Variants in GRM8 observed in about 807,000 individuals in gnomAD.
GRM8 encodes metabotropic glutamate receptor 8.
In GRM8, 47 loss-of-function variants were observed where a neutral mutation model predicts 87.2. The ratio of observed to expected loss-of-function variants is 0.54; its 90% CI spans 0.43 to 0.69. The LOEUF is 0.69. GRM8 is among the 30% of genes least tolerant of loss of function. The pLI, the probability that GRM8 is intolerant of heterozygous loss-of-function variation, is 0.00. For missense variants in GRM8, 1,019 were observed against 1,139.2 expected, an observed-to-expected ratio of 0.89 and a Z score of 1.52; for synonymous variants, 396 against 404.5, an observed-to-expected ratio of 0.98 and a Z score of 0.25.
intron 8 of GRM8, among the ~76,000 whole-genome samples, chr7:126,534,243 T>C (rs1815325627): frequency 6.6e-6 from 1 of 152,136 alleles, no homozygotes; most frequent in Non-Finnish European, 1.5e-5. Context: ...TTAGAGTTAA[T>C]CACAAATATA....
intron 8 of GRM8, among the ~76,000 whole-genome samples, chr7:126,570,118 AT>A (rs1175548124): frequency 3.9e-5 from 6 of 152,078 alleles, no homozygotes; most frequent in Admixed American, 3.9e-4. Context: ...CTAACTTGAT[AT>A]TTTCTTTTGT....
chr7:126,572,363 A>G (rs976675582), intron 8 of GRM8, among the ~76,000 whole-genome samples: 1 of 152,170 alleles, frequency 6.6e-6, no homozygotes, highest in African/African-American at 2.4e-5. Flanking sequence ...ATGGTATAAT[A>G]TCTATAAAAT....
chr7:126,878,288 G>C (rs1799706680), intron 6 of GRM8, among the ~76,000 whole-genome samples: 1 of 152,124 alleles, frequency 6.6e-6, no homozygotes, highest in South Asian at 2.1e-4. Flanking sequence ...CAACATCTCT[G>C]AGGCAGCTCC....
intron 3 of GRM8, among the ~76,000 whole-genome samples, chr7:127,075,784 T>C (rs1216934296): frequency 2.0e-5 from 3 of 152,092 alleles, no homozygotes; most frequent in African/African-American, 7.2e-5. Context: ...AACCACCTGG[T>C]TGGGCTAATG....
At chr7:126,581,280 T>G (rs1256220044) in intron 8 of GRM8, among the ~76,000 whole-genome samples, 1 of 152,080 alleles carries the variant, frequency 6.6e-6, no homozygotes, top group Non-Finnish European at 1.5e-5. Flanking sequence ...CCCAAAAGGG[T>G]AGCAGAATGG....
At position 126,924,635 on chromosome 7, in the gene GRM8, C is replaced by T. The variant is rs188666314; in HGVS notation, c.728-19952G>A. 4.2e-4 allele frequency among the ~76,000 whole-genome samples: 64 copies of T among 152,114 alleles called. 3 individuals carry two copies. In the East Asian group the frequency reaches 0.011, roughly 27 times the overall value. The stretch of plus-strand genomic sequence containing the variant: ...TTTTCCCTCCTTCCTTCTTTCCTCC[C>T]TTCCTTCTGATTCTCTCTCTCTTTA... On this transcript the variant is annotated intron_variant, in intron 3 of 10. Coordinates refer to ENST00000339582, the MANE Select transcript of GRM8 (RefSeq NM_000845.3).
chr7:126,793,015 T>G (rs1821530449), intron 6 of GRM8, among the ~76,000 whole-genome samples: 1 of 152,200 alleles, frequency 6.6e-6, no homozygotes, highest in African/African-American at 2.4e-5. Flanking sequence ...GAACACTCTT[T>G]TATGTTTGTG....
chr7:126,958,268 T>C (rs1350025797), intron 3 of GRM8, among the ~76,000 whole-genome samples: 2 of 152,140 alleles, frequency 1.3e-5, no homozygotes, highest in Non-Finnish European at 2.9e-5. Flanking sequence ...CAGACAGGGC[T>C]GAAAAACGCC....
intron 3 of GRM8, among the ~76,000 whole-genome samples, chr7:127,001,449 A>G (rs1813720958): frequency 6.6e-6 from 1 of 151,702 alleles, no homozygotes; most frequent in Non-Finnish European, 1.5e-5. Flanking sequence ...ACTCATTTAA[A>G]AAACTGTCAA....
intron 3 of GRM8, among the ~76,000 whole-genome samples, chr7:126,956,817 CAT>C (rs987268240): frequency 1.3e-5 from 2 of 152,188 alleles, no homozygotes; most frequent in Non-Finnish European, 2.9e-5. Flanking sequence ...GCATAGAACA[CAT>C]GAGAAGCAAA....
At chr7:127,080,738 T>C (rs1355411668) in intron 3 of GRM8, 1 of 152,164 alleles carries the variant, frequency 6.6e-6, no homozygotes, top group Non-Finnish European at 1.5e-5. Flanking sequence ...CTGGACCTGC[T>C]ACCAGGAGAC....
intron 3 of GRM8, among the ~76,000 whole-genome samples, chr7:127,006,296 TTCC>T (rs77090344): frequency 0.076 from 11,536 of 152,040 alleles, 526 homozygotes; most frequent in South Asian, 0.13. Flanking sequence ...CCTTTGCTGC[TTCC>T]TCTTCAGTTT....
At chr7:126,626,237 A>G (rs923336899) in intron 7 of GRM8, among the ~76,000 whole-genome samples, 1 of 152,250 alleles carries the variant, frequency 6.6e-6, no homozygotes, top group Non-Finnish European at 1.5e-5. Flanking sequence ...ATCTGGATTT[A>G]CAAGAGTCAC....
rs186471836 is a variant in GRM8, at chr7:127,031,971, G to T, written c.727+74525C>A. On this transcript the variant is annotated intron_variant, in intron 3 of 10. Transcript: ENST00000339582. ...CATCTACCTTAGGAATTAATTAGTT[G>T]TTCATATTCATATGTCTTGTCCTCC... Among the ~76,000 whole-genome samples the T allele has an allele frequency of 1.8e-4, 27 of 152,060 alleles. No homozygotes were observed. The East Asian group carries it at 4.8e-3, about 27-fold the overall frequency.
At chr7:126,876,946 A>G (rs956406511) in intron 6 of GRM8, among the ~76,000 whole-genome samples, 1 of 151,918 alleles carries the variant, frequency 6.6e-6, no homozygotes, top group Non-Finnish European at 1.5e-5. Context: ...TTAAAAAAAA[A>G]AAAGGCTGTT....
At chr7:126,953,892 T>C (rs1295986388) in intron 3 of GRM8, among the ~76,000 whole-genome samples, 1 of 152,182 alleles carries the variant, frequency 6.6e-6, no homozygotes, top group East Asian at 1.9e-4. Context: ...CTTATTCATT[T>C]ACTGACAACA....
At chr7:126,667,376 T>G (rs1805884193) in intron 7 of GRM8, among the ~76,000 whole-genome samples, 1 of 152,240 alleles carries the variant, frequency 6.6e-6, no homozygotes, top group African/African-American at 2.4e-5. Context: ...AGAATGTTCT[T>G]AAAATATTTT....
intron 2 of GRM8, among the ~76,000 whole-genome samples, chr7:127,190,535 C>T (rs1794970400): frequency 6.7e-6 from 1 of 149,942 alleles, no homozygotes; most frequent in African/African-American, 2.5e-5. Flanking sequence ...CAGAGCGAGA[C>T]TCGGTCTTAA....
intron 6 of GRM8, among the ~76,000 whole-genome samples, chr7:126,891,347 G>T (rs1403574123): frequency 1.3e-5 from 2 of 151,912 alleles, no homozygotes; most frequent in African/African-American, 4.8e-5. Context: ...CCTTCCTCCA[G>T]TGTTATGCCT....
Sources: gnomAD v4.1 joint callset for allele counts (sites outside exome capture counted in the v4.1 genomes callset) on GRCh38, gnomAD v4.1.1 for gene constraint, MANE v1.5 for transcripts, NCBI Gene and HGNC (gene_info 2026-07-23, HGNC 2026-07-21) for gene names.